Variants in ARIH2 observed in about 807,000 individuals in gnomAD.
ARIH2 encodes ariadne RBR E3 ubiquitin protein ligase 2.
ARIH2 carries 12 observed loss-of-function variants against 79.8 expected under a neutral mutation model. The observed-to-expected ratio is 0.15, with a 90% confidence interval of 0.10 to 0.24. The LOEUF is 0.24. ARIH2 is among the 10% of genes least tolerant of loss of function. The pLI is 1.00. For synonymous variants in ARIH2, 224 were observed against 213.9 expected, an observed-to-expected ratio of 1.05 and a Z score of -0.41; for missense variants, 301 against 618.3, an observed-to-expected ratio of 0.49 and a Z score of 5.44.
At chr3:48,954,906 G>A (rs977610518) in intron 3 of ARIH2, among the ~76,000 whole-genome samples, 3 of 152,104 alleles carry the variant, frequency 2.0e-5, no homozygotes, top group African/African-American at 4.8e-5. Flanking sequence ...AATAGAAAAA[G>A]CATTCATAGT....
chr3:48,949,103 G>A (rs551780889), intron 3 of ARIH2: 107 of 425,862 alleles, frequency 2.5e-4, no homozygotes, highest in Non-Finnish European at 3.7e-4. Flanking sequence ...CATGGTAAGT[G>A]TATGTTTAAC....
intron 3 of ARIH2, among the ~76,000 whole-genome samples, chr3:48,945,672 A>T (rs1402443503): frequency 1.3e-5 from 2 of 152,322 alleles, no homozygotes; most frequent in Non-Finnish European, 2.9e-5. Flanking sequence ...TGACTAATTT[A>T]AACTTCTGAT....
At chr3:48,925,698 C>G (rs1315096536) in intron 2 of ARIH2, among the ~76,000 whole-genome samples, 1 of 151,354 alleles carries the variant, frequency 6.6e-6, no homozygotes, top group Non-Finnish European at 1.5e-5. Flanking sequence ...TGCTCTTACA[C>G]TTTAAGGTTC....
chr3:48,919,411 G>T, intron 1 of ARIH2: 1 of 370,214 alleles, frequency 2.7e-6, no homozygotes, highest in Non-Finnish European at 4.8e-6. Context: ...CGGGCTCCGC[G>T]TCCGCGCGAA....
At chr3:48,922,722 T>C (rs2084990824) in intron 1 of ARIH2, 26 bp from the exon 2 acceptor site, 1 of 152,194 alleles carries the variant, frequency 6.6e-6, no homozygotes, top group Non-Finnish European at 1.5e-5. Flanking sequence ...GCTTTAAAAA[T>C]ATAAATATAA....
At chr3:48,924,280 G>A (rs533344338) in intron 2 of ARIH2, among the ~76,000 whole-genome samples, 4 of 151,590 alleles carry the variant, frequency 2.6e-5, no homozygotes, top group South Asian at 2.1e-4. Flanking sequence ...TGATACAGGC[G>A]TGAGCCACTG....
At chr3:48,924,167 T>C (rs573951458) in intron 2 of ARIH2, among the ~76,000 whole-genome samples, 147 of 152,134 alleles carry the variant, frequency 9.7e-4, no homozygotes, top group Non-Finnish European at 1.5e-3. Context: ...ACAAATTCTT[T>C]TTCCTTTTGG....
intron 3 of ARIH2, among the ~76,000 whole-genome samples, chr3:48,930,835 T>C (rs2086266366): frequency 6.6e-6 from 1 of 152,220 alleles, no homozygotes; most frequent in South Asian, 2.1e-4. Context: ...AATTTTTTAA[T>C]GTAATTTAAG....
chr3:48,965,061 A>C, intron 5 of ARIH2, 79 bp downstream of exon 5: 1 of 1,390,772 alleles, frequency 7.2e-7, no homozygotes, highest in Non-Finnish European at 1.0e-6. Flanking sequence ...CTTAAGAGCT[A>C]TCTTTACTTG....
chr3:48,922,171 C>G (rs757039360), intron 1 of ARIH2, among the ~76,000 whole-genome samples: 1 of 151,984 alleles, frequency 6.6e-6, no homozygotes, highest in Non-Finnish European at 1.5e-5. Context: ...TTACAGTGAG[C>G]TGAGATGGCA....
At chr3:48,971,163 C>G (rs561129532) in intron 8 of ARIH2, among the ~76,000 whole-genome samples, 1 of 152,214 alleles carries the variant, frequency 6.6e-6, no homozygotes, top group South Asian at 2.1e-4. Flanking sequence ...CTAAAGTTTA[C>G]CGAAGGCTTA....
At chr3:48,962,187 G>A (rs1168865933) in intron 4 of ARIH2, among the ~76,000 whole-genome samples, 2 of 151,970 alleles carry the variant, frequency 1.3e-5, no homozygotes, top group Non-Finnish European at 2.9e-5. Context: ...AATCAGCCTG[G>A]CCAGCATGAT....
intron 5 of ARIH2, among the ~76,000 whole-genome samples, chr3:48,966,524 G>C (rs1421086509): frequency 6.6e-6 from 1 of 151,930 alleles, no homozygotes; most frequent in Non-Finnish European, 1.5e-5. Flanking sequence ...CATCCCCCCC[G>C]CCAATATTAA....
intron 3 of ARIH2, among the ~76,000 whole-genome samples, chr3:48,955,589 C>A (rs1463745300): frequency 6.6e-6 from 1 of 152,180 alleles, no homozygotes; most frequent in Admixed American, 6.5e-5. Flanking sequence ...AAAGTGTTGA[C>A]TGTGATAGAT....
At chr3:48,933,371 C>G (rs1294357178) in intron 3 of ARIH2, among the ~76,000 whole-genome samples, 1 of 151,524 alleles carries the variant, frequency 6.6e-6, no homozygotes, top group Non-Finnish European at 1.5e-5. Flanking sequence ...CCATGTTACC[C>G]AGGCTGGTCT....
At chr3:48,957,801 C>T (rs763809216) in intron 3 of ARIH2, among the ~76,000 whole-genome samples, 27 of 152,112 alleles carry the variant, frequency 1.8e-4, no homozygotes, top group Admixed American at 3.3e-4. Flanking sequence ...CTACAACCTC[C>T]GCCTCCCGGG....
intron 1 of ARIH2, 49 bp downstream of exon 1, chr3:48,919,047 G>A: frequency 6.8e-6 from 9 of 1,327,302 alleles, no homozygotes; most frequent in Non-Finnish European, 8.6e-6. Flanking sequence ...GCTGGCCGCT[G>A]GGGGGGCCTC....
intron 3 of ARIH2, among the ~76,000 whole-genome samples, chr3:48,931,148 A>G (rs2086298664): frequency 6.6e-6 from 1 of 152,184 alleles, no homozygotes; most frequent in Non-Finnish European, 1.5e-5. Flanking sequence ...GTGCAGTAGC[A>G]TGATCATAGC....
intron 4 of ARIH2, among the ~76,000 whole-genome samples, chr3:48,963,048 T>C (rs1487056804): frequency 1.2e-4 from 18 of 152,120 alleles, no homozygotes; most frequent in Admixed American, 1.2e-3. Flanking sequence ...CTTGTATTTT[T>C]AGTAGAATTT....
Sources: gnomAD v4.1 joint callset for allele counts (sites outside exome capture counted in the v4.1 genomes callset) on GRCh38, gnomAD v4.1.1 for gene constraint, MANE v1.5 for transcripts, NCBI Gene and HGNC (gene_info 2026-07-23, HGNC 2026-07-21) for gene names.